The following EFNA5 variants were observed in gnomAD, a reference collection of about 807,000 sequenced individuals.
EFNA5 encodes the protein ephrin-A5.
A neutral mutation model predicts 22.9 loss-of-function variants in EFNA5; 5 were observed. That is an observed-to-expected ratio of 0.22 (90% CI 0.11 to 0.46). The LOEUF (loss-of-function observed/expected upper bound fraction) is 0.46. Ranked by LOEUF, EFNA5 falls within the 20% of genes least tolerant of loss-of-function variation. The pLI, the probability that EFNA5 is intolerant of heterozygous loss-of-function variation, is 0.99. For missense variants in EFNA5, 237 were observed against 293.3 expected (o/e 0.81, Z 1.40); for synonymous variants, 113 against 112.2 (o/e 1.01, Z -0.04).
chr5:107,488,537 G>A (rs928863352), intron 1 of EFNA5, among the ~76,000 whole-genome samples: 5 of 152,020 alleles, frequency 3.3e-5, no homozygotes, highest in African/African-American at 1.2e-4. Context: ...TGTCAGCAGG[G>A]AATCCTACAA....
At chr5:107,403,778 C>A (rs938142685) in intron 2 of EFNA5, among the ~76,000 whole-genome samples, 18 of 152,188 alleles carry the variant, frequency 1.2e-4, no homozygotes, top group Non-Finnish European at 2.9e-5. Flanking sequence ...AAATTTTAAT[C>A]ATGAGCTCCC....
intron 1 of EFNA5, among the ~76,000 whole-genome samples, chr5:107,515,393 T>TTATTATTAC (rs1747455965): frequency 6.7e-6 from 1 of 149,076 alleles, no homozygotes; most frequent in African/African-American, 2.5e-5. Flanking sequence ...ATTATTATTA[T>TTATTATTAC]TATTGAGATG....
rs191954633 is a variant in EFNA5, at chr5:107,402,652, A to G, written c.419-14881T>C. On this transcript the variant is annotated intron_variant, in intron 2 of 4. Coordinates refer to ENST00000333274, the MANE Select transcript of EFNA5 (RefSeq NM_001962.3). ...TCCGGGTGTGGATACACTACTGTAT[A>G]CGCACCTTCCATTGATAGCAACAGG... Among the ~76,000 whole-genome samples the G allele has an allele frequency of 2.0e-5, 3 of 152,340 alleles. No individual in the cohort carries two copies. In the East Asian group the frequency reaches 5.8e-4, roughly 29 times the overall value.
At chr5:107,497,467 T>G (rs1035838226) in intron 1 of EFNA5, among the ~76,000 whole-genome samples, 2 of 152,230 alleles carry the variant, frequency 1.3e-5, no homozygotes, top group African/African-American at 4.8e-5. Context: ...CTGGGAAAGA[T>G]TTTTTGAATA....
Position 107,381,319 on chromosome 5 carries a change from G to A in EFNA5, c.623C>T (p.Pro208Leu), listed in dbSNP as rs1307667399. 13 of 1,614,064 alleles carry A rather than the reference G, an allele frequency of 8.1e-6. No homozygotes were observed. Among genetic ancestry groups the A allele is most frequent in the Non-Finnish European group, 9.3e-6 (11 of 1,179,944 alleles). Residue 208 changes from proline to leucine, a missense_variant, in exon 5 of 5, where the codon CCA becomes CTA. Pro to Leu is a moderately conservative substitution (Grantham distance 98). Transcript: ENST00000333274. Reference protein sequence around the residue: ...PSRGENAAQTPRIPSRLLAIL... With the variant: ...PSRGENAAQTLRIPSRLLAIL... The stretch of plus-strand genomic sequence containing the variant: ...TGCCAAAAGGCGGCTGGGTATCCTT[G>A]GTGTTTGTGCCGCGTTCTCGCCGCG...
chr5:107,459,325 C>G (rs1392832392), intron 1 of EFNA5, among the ~76,000 whole-genome samples: 1 of 150,282 alleles, frequency 6.7e-6, no homozygotes, highest in African/African-American at 2.5e-5. Context: ...CACACTCCAG[C>G]CTGGGTGACA....
chr5:107,578,725 T>C (rs1748978630), intron 1 of EFNA5, among the ~76,000 whole-genome samples: 1 of 152,072 alleles, frequency 6.6e-6, no homozygotes, highest in Non-Finnish European at 1.5e-5. Flanking sequence ...CTCATACCCA[T>C]GTACATTTGC....
At chr5:107,566,842 T>C (rs1003447102) in intron 1 of EFNA5, among the ~76,000 whole-genome samples, 2 of 152,256 alleles carry the variant, frequency 1.3e-5, no homozygotes, top group East Asian at 1.9e-4. Context: ...TCATTCTTAC[T>C]ATACAATAAA....
At chr5:107,635,193 T>A (rs1750347667) in intron 1 of EFNA5, among the ~76,000 whole-genome samples, 1 of 152,238 alleles carries the variant, frequency 6.6e-6, no homozygotes, top group South Asian at 2.1e-4. Flanking sequence ...ATCGCATCCA[T>A]ATGATTTAGC....
chr5:107,446,398 A>G (rs923243171), intron 1 of EFNA5, among the ~76,000 whole-genome samples: 2 of 152,210 alleles, frequency 1.3e-5, no homozygotes, highest in African/African-American at 4.8e-5. Flanking sequence ...TCATTATTAC[A>G]TATCTTTAGT....
intron 1 of EFNA5, among the ~76,000 whole-genome samples, chr5:107,467,785 G>A (rs1008530004): frequency 3.7e-4 from 57 of 152,236 alleles, no homozygotes; most frequent in African/African-American, 1.3e-3. Context: ...ATGTTACCAC[G>A]CTGTCTTTCC....
At chr5:107,606,342 G>C (rs916625520) in intron 1 of EFNA5, among the ~76,000 whole-genome samples, 1 of 152,056 alleles carries the variant, frequency 6.6e-6, no homozygotes, top group Admixed American at 6.5e-5. Flanking sequence ...AATAGCATTG[G>C]CCTCAACTTT....
At position 107,578,829 on chromosome 5, in the gene EFNA5, C is replaced by T. The variant is rs556959960; in HGVS notation, c.125+91660G>A. ...CTGTCTGAAATTAAAAGGGAGCCTG[C>T]GATGATATGGGGCTGGCTTCTACGC... is the stretch of plus-strand genomic sequence containing the variant. On this transcript the variant is annotated intron_variant, in intron 1 of 4. Coordinates refer to ENST00000333274, the MANE Select transcript of EFNA5 (RefSeq NM_001962.3). Among the ~76,000 whole-genome samples, 33 of 152,272 alleles carry T rather than the reference C, an allele frequency of 2.2e-4. No individual in the cohort carries two copies. In the South Asian group the frequency reaches 3.5e-3, roughly 16 times the overall value.
intron 2 of EFNA5, among the ~76,000 whole-genome samples, chr5:107,389,909 G>C (rs1405577787): frequency 6.6e-6 from 1 of 152,198 alleles, no homozygotes; most frequent in Non-Finnish European, 1.5e-5. Context: ...TCTGTCACCA[G>C]GAAATGTGAC....
chr5:107,390,321 T>C (rs1379325258), intron 2 of EFNA5, among the ~76,000 whole-genome samples: 1 of 152,248 alleles, frequency 6.6e-6, no homozygotes, highest in African/African-American at 2.4e-5. Flanking sequence ...AAATGTAGGA[T>C]GCCTTTATAC....
intron 1 of EFNA5, among the ~76,000 whole-genome samples, chr5:107,449,232 T>G (rs1580458548): frequency 6.6e-6 from 1 of 152,110 alleles, no homozygotes; most frequent in East Asian, 1.9e-4. Flanking sequence ...ATCACATCAA[T>G]TTCAACAAGT....
Position 107,641,010 on chromosome 5 carries a change from A to G in EFNA5, c.125+29479T>C, listed in dbSNP as rs567772493. The stretch of plus-strand genomic sequence containing the variant: ...TAGATAGATAGATAGATAGATAGAT[A>G]GATAGATAGATAGACAGACAGACAG... On this transcript the variant is annotated intron_variant, in intron 1 of 4. Transcript: ENST00000333274. 7.3e-3 allele frequency among the ~76,000 whole-genome samples: 1,046 copies of G among 143,026 alleles called. 6 individuals are homozygous for G. The highest frequency in any genetic ancestry group is 0.013 in the Non-Finnish European group (819 of 63,492). 93.8% of individuals were successfully genotyped at this position (143,026 alleles called of 152,430 possible). A position where few individuals can be genotyped will look rare whatever the true frequency, so the allele number is the denominator to read the frequency against.
chr5:107,469,014 A>G (rs1750066074), intron 1 of EFNA5, among the ~76,000 whole-genome samples: 1 of 152,336 alleles, frequency 6.6e-6, no homozygotes, highest in Non-Finnish European at 1.5e-5. Flanking sequence ...ATTCTGCCAC[A>G]ACCACCAATG....
At chr5:107,591,122 G>C (rs1749315925) in intron 1 of EFNA5, among the ~76,000 whole-genome samples, 1 of 152,148 alleles carries the variant, frequency 6.6e-6, no homozygotes, top group Non-Finnish European at 1.5e-5. Context: ...TGTTTGGGTA[G>C]GGTGGGCTGG....
Sources: allele counts gnomAD v4.1 joint callset (sites outside exome capture counted in the v4.1 genomes callset), GRCh38; gene constraint gnomAD v4.1.1; transcripts MANE v1.5; gene names NCBI Gene and HGNC (gene_info 2026-07-23, HGNC 2026-07-21).